MYO10: variants seen among roughly 807,000 people sequenced by gnomAD.
The protein encoded by MYO10 is myosin X, also known as unconventional myosin-X.
Under a neutral mutation model 257.3 loss-of-function variants are expected in MYO10, and 133 were observed. That is an observed-to-expected ratio of 0.52 (90% confidence interval 0.45 to 0.60). The LOEUF is 0.60. Ranked by LOEUF, MYO10 falls within the 20% of genes least tolerant of loss-of-function variation. The probability of loss-of-function intolerance (pLI) is 0.00; values close to 1 mark genes in which losing one functional copy is unlikely to be tolerated. For synonymous variants in MYO10, 1,104 were observed against 1,028.6 expected (o/e 1.07, Z -1.40); for missense variants, 2,399 against 2,635.7 (o/e 0.91, Z 1.97).
intron 33 of MYO10, among the ~76,000 whole-genome samples, chr5:16,677,424 T>G (rs1736780924): frequency 7.7e-6 from 1 of 130,154 alleles, no homozygotes; most frequent in Non-Finnish European, 1.5e-5. Flanking sequence ...ACCTTTTTTT[T>G]TTTTTTTTTG....
intron 1 of MYO10, among the ~76,000 whole-genome samples, chr5:16,924,987 C>T (rs1580157686): frequency 1.3e-5 from 2 of 152,166 alleles, no homozygotes; most frequent in Middle Eastern, 3.4e-3. Context: ...CCCACCACCA[C>T]ACCTGACTAA....
chr5:16,899,852 G>A (rs565531767), intron 1 of MYO10, among the ~76,000 whole-genome samples: 2 of 152,026 alleles, frequency 1.3e-5, no homozygotes, highest in Admixed American at 1.3e-4. Context: ...ACAAAAATTA[G>A]CCAAGAGAGG....
At chr5:16,735,234 T>C (rs1050761319) in intron 19 of MYO10, among the ~76,000 whole-genome samples, 6 of 152,218 alleles carry the variant, frequency 3.9e-5, no homozygotes, top group Non-Finnish European at 8.8e-5. Context: ...AATCAACTTG[T>C]TCCTTGAGAG....
chr5:16,670,549 C>T lies in MYO10; in HGVS notation c.5860G>A (p.Gly1954Ser), dbSNP rs1736399173. ...ACCTCCACATCAAACAGCGTCGAGC[C>T]ATAGCCAGGCCACTCCTTGATCAAG... ...MALIKEWPGY[G>S]STLFDVECKE... Residue 1954 changes from glycine (G) to serine (S), a missense_variant, in exon 39 of 41, where the codon GGC (glycine) becomes AGC (serine). By Grantham distance (56) the Gly-to-Ser change is moderately conservative. Around this residue, in one of 3 missense-constraint regions of MYO10, gnomAD observed 1,820 missense variants for 1,939.4 expected, o/e 0.94. Coordinates refer to ENST00000513610, the MANE Select transcript of MYO10 (RefSeq NM_012334.3). The T allele has an allele frequency of 1.2e-6, 2 of 1,612,102 alleles. No homozygotes were observed. The highest frequency in any genetic ancestry group is 1.7e-6 in the Non-Finnish European group (2 of 1,178,698).
At chr5:16,710,364 C>T (rs903354191) in intron 21 of MYO10, among the ~76,000 whole-genome samples, 5 of 152,192 alleles carry the variant, frequency 3.3e-5, no homozygotes, top group African/African-American at 1.2e-4. Flanking sequence ...CCATACTCTG[C>T]TCCTATCTGG....
intron 19 of MYO10, among the ~76,000 whole-genome samples, chr5:16,736,925 T>C (rs1010366057): frequency 1.3e-5 from 2 of 152,218 alleles, no homozygotes; most frequent in African/African-American, 4.8e-5. Flanking sequence ...ATAATAACCA[T>C]ATTTAAACTT....
intron 19 of MYO10, among the ~76,000 whole-genome samples, chr5:16,733,353 T>G (rs1369232570): frequency 6.6e-6 from 1 of 152,180 alleles, no homozygotes; most frequent in Non-Finnish European, 1.5e-5. Context: ...CCCTTTTCAT[T>G]TCATTAAAAA....
intron 4 of MYO10, among the ~76,000 whole-genome samples, chr5:16,792,157 A>G (rs1007322135): frequency 6.9e-6 from 1 of 144,280 alleles, no homozygotes; most frequent in African/African-American, 2.6e-5. Context: ...AGAGAGAGAG[A>G]GAGAGAGGGA....
intron 35 of MYO10, 135 bp downstream of exon 35, chr5:16,674,718 A>G (rs1290340890): frequency 9.8e-7 from 1 of 1,025,124 alleles, no homozygotes; most frequent in African/African-American, 1.6e-5. Context: ...CAGGCAACCC[A>G]CAAGTCTGAC....
chr5:16,690,992 G>A (rs909438722), intron 27 of MYO10, among the ~76,000 whole-genome samples: 4 of 152,122 alleles, frequency 2.6e-5, no homozygotes, highest in East Asian at 3.9e-4. Context: ...ATGTTCGGCC[G>A]GGCGTGGTGG....
intron 39 of MYO10, among the ~76,000 whole-genome samples, chr5:16,668,706 ATC>A (rs1350082544): frequency 1.1e-4 from 16 of 152,168 alleles, no homozygotes; most frequent in African/African-American, 3.6e-4. Context: ...AGAGTCTAAC[ATC>A]TTGCTTTGAC....
chr5:16,669,622 T>C (rs1243960950), intron 39 of MYO10, among the ~76,000 whole-genome samples: 4 of 152,234 alleles, frequency 2.6e-5, no homozygotes, highest in Non-Finnish European at 4.4e-5. Flanking sequence ...ACAAAGCACC[T>C]GATTTTTTTA....
At chr5:16,926,769 C>T (rs2562364) in intron 1 of MYO10, among the ~76,000 whole-genome samples, 68,129 of 151,288 alleles carry the variant, frequency 0.45, 15,632 homozygotes, top group African/African-American at 0.53. Flanking sequence ...TATTACTGTC[C>T]GTAAAACAAA....
intron 27 of MYO10, among the ~76,000 whole-genome samples, chr5:16,690,323 CAGTGGGGTGGGG>C (rs1737440181): frequency 1.3e-5 from 2 of 152,108 alleles, no homozygotes; most frequent in African/African-American, 2.4e-5. Flanking sequence ...TTGATGGCTG[CAGTGGGGTGGGG>C]AGTGGGGTGG....
At chr5:16,802,889 A>C (rs1324894799) in intron 3 of MYO10, among the ~76,000 whole-genome samples, 1 of 151,682 alleles carries the variant, frequency 6.6e-6, no homozygotes, top group Non-Finnish European at 1.5e-5. Context: ...GGATCACTTG[A>C]GCCCAGGAGT....
At chr5:16,704,154 T>TA (rs906341438) in intron 22 of MYO10, among the ~76,000 whole-genome samples, 15 of 150,248 alleles carry the variant, frequency 1.0e-4, no homozygotes, top group East Asian at 2.0e-4. Flanking sequence ...GACCCATCTC[T>TA]AAAAAAAAAA....
chr5:16,806,817 C>T (rs1742291364), intron 3 of MYO10, among the ~76,000 whole-genome samples: 1 of 152,106 alleles, frequency 6.6e-6, no homozygotes, highest in South Asian at 2.1e-4. Flanking sequence ...AAGTCCACAG[C>T]CCTGAAGAAC....
intron 27 of MYO10, among the ~76,000 whole-genome samples, chr5:16,692,163 G>A (rs1336088994): frequency 6.6e-6 from 1 of 152,156 alleles, no homozygotes; most frequent in African/African-American, 2.4e-5. Context: ...GCTCACGCCT[G>A]TAATCCCAGC....
chr5:16,707,377 G>A (rs1271302649), intron 21 of MYO10, among the ~76,000 whole-genome samples: 1 of 152,174 alleles, frequency 6.6e-6, no homozygotes, highest in Non-Finnish European at 1.5e-5. Context: ...TGGGAATGTG[G>A]CATCAAAGCA....
Sources: gnomAD v4.1 joint callset for allele counts (sites outside exome capture counted in the v4.1 genomes callset) on GRCh38, gnomAD v4.1.1 for gene constraint, gnomAD v4.1.1 regional missense constraint, MANE v1.5 for transcripts, NCBI Gene and HGNC (gene_info 2026-07-23, HGNC 2026-07-21) for gene names.